Variants in GLIS3 observed in about 807,000 individuals in gnomAD.
The protein encoded by GLIS3 is zinc finger protein GLIS3.
In GLIS3, 53 loss-of-function variants were observed where a neutral mutation model predicts 78.6. The ratio of observed to expected loss-of-function variants is 0.67; its 90% CI spans 0.54 to 0.85. GLIS3 has a LOEUF of 0.85. Ranked by LOEUF, GLIS3 falls within the 40% of genes least tolerant of loss-of-function variation. GLIS3 has a pLI of 0.00. For missense variants in GLIS3, 1,703 were observed against 1,231.1 expected, an observed-to-expected ratio of 1.38 and a Z score of -5.74; for synonymous variants, 684 against 509.9, an observed-to-expected ratio of 1.34 and a Z score of -4.60.
At chr9:4,202,095 G>T (rs1010371973) in intron 2 of GLIS3, among the ~76,000 whole-genome samples, 1 of 151,582 alleles carries the variant, frequency 6.6e-6, no homozygotes, top group Non-Finnish European at 1.5e-5. Context: ...CCAAGGTCAC[G>T]CCACTACAGT....
At chr9:4,154,996 A>G (rs935125922) in intron 2 of GLIS3, among the ~76,000 whole-genome samples, 2 of 152,214 alleles carry the variant, frequency 1.3e-5, no homozygotes, top group East Asian at 1.9e-4. Flanking sequence ...TTTGTAACAC[A>G]ATGTGGAAAA....
At chr9:3,951,109 C>T (rs1475941898) in intron 4 of GLIS3, among the ~76,000 whole-genome samples, 1 of 152,182 alleles carries the variant, frequency 6.6e-6, no homozygotes, top group Non-Finnish European at 1.5e-5. Flanking sequence ...ACAGAAATAT[C>T]TCAACTCATT....
intron 4 of GLIS3, among the ~76,000 whole-genome samples, chr9:4,013,700 G>A (rs1822217501): frequency 6.6e-6 from 1 of 152,142 alleles, no homozygotes; most frequent in Non-Finnish European, 1.5e-5. Flanking sequence ...CACTTTTCCA[G>A]TCAGTGCTTG....
intron 4 of GLIS3, among the ~76,000 whole-genome samples, chr9:3,940,752 A>T (rs1304352836): frequency 2.6e-5 from 4 of 152,326 alleles, no homozygotes; most frequent in East Asian, 3.9e-4. Context: ...GATGGAGGAA[A>T]AGGGGCGTGG....
At chr9:4,357,266 A>T in the GLIS3 span, among the ~76,000 whole-genome samples, 19 of 152,174 alleles carry the variant, frequency 1.2e-4, no homozygotes, top group Non-Finnish European at 1.8e-4. Flanking sequence ...TAACATTTGA[A>T]TCAGTAGATT....
chr9:4,428,615 C>T, the GLIS3 span, among the ~76,000 whole-genome samples: 29,369 of 151,758 alleles, frequency 0.19, 3,329 homozygotes, highest in African/African-American at 0.31. Context: ...AATCAAACTA[C>T]GATCTTATAC....
At chr9:4,131,787 G>T (rs372662441) in intron 2 of GLIS3, among the ~76,000 whole-genome samples, 1 of 152,054 alleles carries the variant, frequency 6.6e-6, no homozygotes, top group African/African-American at 2.4e-5. Context: ...TAAGGTTGTT[G>T]TGCATCTAGT....
intron 4 of GLIS3, among the ~76,000 whole-genome samples, chr9:3,983,524 T>A (rs541839964): frequency 1.3e-5 from 2 of 152,224 alleles, no homozygotes; most frequent in African/African-American, 2.4e-5. Flanking sequence ...ATGTGAGAAA[T>A]TTTGAAACTT....
At chr9:4,420,634 G>C in the GLIS3 span, among the ~76,000 whole-genome samples, 3 of 152,124 alleles carry the variant, frequency 2.0e-5, no homozygotes, top group Non-Finnish European at 4.4e-5. Context: ...ACTCCACTAG[G>C]TGCTCATCTG....
the GLIS3 span, among the ~76,000 whole-genome samples, chr9:4,372,086 T>C: frequency 3.3e-5 from 5 of 152,266 alleles, no homozygotes; most frequent in African/African-American, 9.6e-5. Context: ...ACTGAGTAAC[T>C]GCTATTGAAC....
chr9:4,389,243 A>G, the GLIS3 span, among the ~76,000 whole-genome samples: 1 of 152,318 alleles, frequency 6.6e-6, no homozygotes, highest in East Asian at 1.9e-4. Flanking sequence ...ATGAGATTCA[A>G]CCTCAGGGCT....
the GLIS3 span, among the ~76,000 whole-genome samples, chr9:4,355,042 G>A: frequency 6.6e-6 from 1 of 151,782 alleles, no homozygotes; most frequent in South Asian, 2.1e-4. Flanking sequence ...CTTGAACCCT[G>A]GAGGCTTGAA....
chr9:3,985,336 C>G (rs1295952915), intron 4 of GLIS3, among the ~76,000 whole-genome samples: 1 of 152,094 alleles, frequency 6.6e-6, no homozygotes, highest in African/African-American at 2.4e-5. Context: ...TTAGTAGAAA[C>G]AGGGTTTCAC....
At chr9:4,477,216 T>A in the GLIS3 span, among the ~76,000 whole-genome samples, 2 of 152,150 alleles carry the variant, frequency 1.3e-5, no homozygotes, top group South Asian at 4.2e-4. Flanking sequence ...ATACATACAA[T>A]GCAATCTTAG....
At chr9:4,391,951 G>A in the GLIS3 span, among the ~76,000 whole-genome samples, 4 of 152,154 alleles carry the variant, frequency 2.6e-5, no homozygotes, top group African/African-American at 4.8e-5. Context: ...ATATGCATGC[G>A]TATGTTCATT....
intron 2 of GLIS3, chr9:4,147,342 T>C (rs1834304082): frequency 6.6e-6 from 1 of 152,212 alleles, no homozygotes; most frequent in Non-Finnish European, 1.5e-5. Context: ...CAAAAGCATC[T>C]CATGCTTAAA....
At chr9:4,036,902 A>C (rs946290980) in intron 4 of GLIS3, among the ~76,000 whole-genome samples, 2 of 152,126 alleles carry the variant, frequency 1.3e-5, no homozygotes, top group East Asian at 3.9e-4. Context: ...AGACCAGTAG[A>C]GGGGCTAAAA....
At chr9:4,053,408 C>G (rs1825880639) in intron 4 of GLIS3, among the ~76,000 whole-genome samples, 1 of 152,118 alleles carries the variant, frequency 6.6e-6, no homozygotes, top group Non-Finnish European at 1.5e-5. Flanking sequence ...ACCCCAGGCA[C>G]TTTGCTGACA....
chr9:4,424,935 T>A, the GLIS3 span, among the ~76,000 whole-genome samples: 1 of 152,058 alleles, frequency 6.6e-6, no homozygotes, highest in Non-Finnish European at 1.5e-5. Context: ...CAACGTGTTC[T>A]GGACAGTGAA....
Sources: allele counts gnomAD v4.1 joint callset (sites outside exome capture counted in the v4.1 genomes callset), GRCh38; gene constraint gnomAD v4.1.1; transcripts MANE v1.5; gene names NCBI Gene and HGNC (gene_info 2026-07-23, HGNC 2026-07-21).